The following CMSS1 variants were observed in gnomAD, a reference collection of about 807,000 sequenced individuals.
CMSS1 encodes protein CMSS1.
A neutral mutation model predicts 43.5 loss-of-function variants in CMSS1; 33 were observed. The ratio of observed to expected loss-of-function variants is 0.76; its 90% CI spans 0.57 to 1.01. The LOEUF is 1.01. Ranked by LOEUF, CMSS1 falls within the 50% of genes least tolerant of loss-of-function variation. The pLI is 0.00. For synonymous variants in CMSS1, 115 were observed against 117.2 expected (o/e 0.98, Z 0.12); for missense variants, 313 against 326.4 (o/e 0.96, Z 0.32).
chr3:99,833,290 A>C, intron 1 of CMSS1: 6 of 1,580,624 alleles, frequency 3.8e-6, no homozygotes, highest in Non-Finnish European at 5.2e-6. Context: ...AAGAGGAGTA[A>C]ATTTGTGGAA....
At chr3:99,887,672 A>G (rs780995359) in intron 1 of CMSS1, among the ~76,000 whole-genome samples, 20 of 152,194 alleles carry the variant, frequency 1.3e-4, no homozygotes, top group Non-Finnish European at 2.2e-4. Flanking sequence ...TTTCTTATAT[A>G]AGTACAATAT....
intron 2 of CMSS1, among the ~76,000 whole-genome samples, chr3:100,151,459 C>T (rs1214584841): frequency 6.6e-6 from 1 of 152,132 alleles, no homozygotes; most frequent in Admixed American, 6.5e-5. Context: ...GATGCCGGCA[C>T]GTCTCAATCT....
chr3:100,140,342 C>A (rs1239216834), intron 1 of CMSS1, among the ~76,000 whole-genome samples: 1 of 151,984 alleles, frequency 6.6e-6, no homozygotes, highest in South Asian at 2.1e-4. Flanking sequence ...TAAATCACCC[C>A]CCAGAAGTCC....
At chr3:100,176,216 G>A (rs932326153) in intron 8 of CMSS1, 111 bp from the exon 9 acceptor site, 15 of 674,932 alleles carry the variant, frequency 2.2e-5, no homozygotes, top group African/African-American at 2.2e-4. Context: ...TTAGTTACTG[G>A]GGGAGAGGAC....
At chr3:99,825,130 A>G (rs990946820) in intron 1 of CMSS1, among the ~76,000 whole-genome samples, 1 of 152,234 alleles carries the variant, frequency 6.6e-6, no homozygotes, top group Non-Finnish European at 1.5e-5. Context: ...GTCTCTACAT[A>G]TAAAATTCAG....
At chr3:99,859,645 T>A (rs1401450583) in intron 1 of CMSS1, among the ~76,000 whole-genome samples, 1 of 152,236 alleles carries the variant, frequency 6.6e-6, no homozygotes, top group African/African-American at 2.4e-5. Context: ...GCAATTCTTG[T>A]CTAATACATA....
chr3:100,049,519 A>G (rs2065334554), intron 1 of CMSS1, among the ~76,000 whole-genome samples: 1 of 152,194 alleles, frequency 6.6e-6, no homozygotes, highest in Admixed American at 6.5e-5. Context: ...TGCAGTACAG[A>G]AAATTAAAAT....
intron 1 of CMSS1, among the ~76,000 whole-genome samples, chr3:99,911,715 A>C (rs1413092671): frequency 6.6e-6 from 1 of 152,188 alleles, no homozygotes; most frequent in Admixed American, 6.5e-5. Context: ...CTTTCTAATC[A>C]GATCCTTGAG....
intron 1 of CMSS1, among the ~76,000 whole-genome samples, chr3:99,989,822 T>G (rs1295836267): frequency 1.3e-5 from 2 of 152,144 alleles, no homozygotes; most frequent in Admixed American, 1.3e-4. Context: ...AAATAAATTT[T>G]TACTTACTCA....
chr3:100,146,157 C>T (rs1405563765), intron 1 of CMSS1, among the ~76,000 whole-genome samples: 1 of 152,146 alleles, frequency 6.6e-6, no homozygotes, highest in Non-Finnish European at 1.5e-5. Flanking sequence ...TGAAAGGCAG[C>T]GCGACATTAT....
intron 1 of CMSS1, among the ~76,000 whole-genome samples, chr3:100,138,369 G>A (rs552689612): frequency 1.3e-5 from 2 of 152,216 alleles, no homozygotes; most frequent in East Asian, 3.9e-4. Context: ...AAGAGCTTCT[G>A]CACAGCAAAA....
chr3:99,858,805 A>G (rs190760273), intron 1 of CMSS1, among the ~76,000 whole-genome samples: 92 of 152,334 alleles, frequency 6.0e-4, no homozygotes, highest in African/African-American at 2.1e-3. Flanking sequence ...TTTAAGAACC[A>G]TTACTCCAGA....
chr3:99,912,383 T>G (rs1241590347), intron 1 of CMSS1, among the ~76,000 whole-genome samples: 1 of 152,180 alleles, frequency 6.6e-6, no homozygotes, highest in African/African-American at 2.4e-5. Context: ...TTCTTTTTTC[T>G]GTTTTTCTTT....
At chr3:99,995,515 C>T (rs1357365300) in intron 1 of CMSS1, among the ~76,000 whole-genome samples, 2 of 152,180 alleles carry the variant, frequency 1.3e-5, no homozygotes, top group Admixed American at 6.5e-5. Flanking sequence ...GATGGTGGCC[C>T]TCTTCTCACA....
At chr3:99,839,201 C>T (rs1053719318) in intron 1 of CMSS1, among the ~76,000 whole-genome samples, 1 of 152,202 alleles carries the variant, frequency 6.6e-6, no homozygotes, top group Non-Finnish European at 1.5e-5. Flanking sequence ...CTCTAAAATC[C>T]TGTAGTACTT....
chr3:100,149,983 G>T (rs972620400), intron 2 of CMSS1, among the ~76,000 whole-genome samples: 2 of 151,902 alleles, frequency 1.3e-5, no homozygotes, highest in African/African-American at 2.4e-5. Context: ...TCCTTGAAAG[G>T]CTCCTCCACC....
chr3:100,114,666 TG>T (rs1386163201), intron 1 of CMSS1, among the ~76,000 whole-genome samples: 1 of 152,224 alleles, frequency 6.6e-6, no homozygotes, highest in Non-Finnish European at 1.5e-5. Context: ...AAGCACAACC[TG>T]GGTCCCATTC....
chr3:100,129,562 C>A (rs1220334498), intron 1 of CMSS1, among the ~76,000 whole-genome samples: 2 of 152,174 alleles, frequency 1.3e-5, no homozygotes, highest in Non-Finnish European at 2.9e-5. Flanking sequence ...AAAAATATTA[C>A]TGCTGATTAA....
At chr3:100,147,984 T>G (rs547831106) in intron 2 of CMSS1, among the ~76,000 whole-genome samples, 2 of 152,364 alleles carry the variant, frequency 1.3e-5, no homozygotes, top group South Asian at 4.1e-4. Context: ...TGATTGGTAT[T>G]TAGTTTGATG....
Sources: allele counts gnomAD v4.1 joint callset (sites outside exome capture counted in the v4.1 genomes callset), GRCh38; gene constraint gnomAD v4.1.1; transcripts MANE v1.5; gene names NCBI Gene and HGNC (gene_info 2026-07-23, HGNC 2026-07-21).